The following TBX15 variants were observed in gnomAD, a reference collection of about 807,000 sequenced individuals.
TBX15 encodes T-box transcription factor TBX15.
Under a neutral mutation model 53.9 loss-of-function variants are expected in TBX15, and 18 were observed. That is an observed-to-expected ratio of 0.33 (90% CI 0.23 to 0.49). TBX15 has a LOEUF of 0.49. Ranked by LOEUF, TBX15 falls within the 20% of genes least tolerant of loss-of-function variation. The pLI is 0.98. For synonymous variants in TBX15, 295 were observed against 278.0 expected (o/e 1.06, Z -0.61); for missense variants, 692 against 749.5 (o/e 0.92, Z 0.90).
intron 6 of TBX15, among the ~76,000 whole-genome samples, chr1:118,913,785 C>T (rs1655101287): frequency 6.6e-6 from 1 of 152,140 alleles, no homozygotes; most frequent in African/African-American, 2.4e-5. Flanking sequence ...TGAGATATCA[C>T]TGCAGGTGCT....
intron 1 of TBX15, among the ~76,000 whole-genome samples, chr1:118,985,459 C>T (rs1352158168): frequency 1.3e-5 from 2 of 152,216 alleles, no homozygotes; most frequent in Non-Finnish European, 2.9e-5. Context: ...TGGACCGCCG[C>T]GTCTCCACGC....
intron 1 of TBX15, among the ~76,000 whole-genome samples, chr1:118,979,897 C>T (rs1469863318): frequency 1.3e-5 from 2 of 152,180 alleles, no homozygotes; most frequent in African/African-American, 4.8e-5. Flanking sequence ...GGAACTCGGG[C>T]TGGCACACCG....
intron 1 of TBX15, among the ~76,000 whole-genome samples, chr1:118,966,075 T>A (rs1389247995): frequency 6.6e-6 from 1 of 152,154 alleles, no homozygotes; most frequent in Non-Finnish European, 1.5e-5. Context: ...CTGAGTTTTT[T>A]AAAATTTATA....
rs141002143 is a variant in TBX15 at position 118,899,072 on chromosome 1, C to T, written c.980G>A (p.Arg327His). The change falls in exon 7 of 8, where the codon CGC (arginine) becomes CAC (histidine). Residue 327 changes from arginine (R) to histidine (H), a missense_variant. Arg to His is a conservative substitution (Grantham distance 29). Around this residue, in one of 3 missense-constraint regions of TBX15, gnomAD observed 375 missense variants for 371.6 expected, o/e 1.01. Transcript: ENST00000369429. Reference protein sequence around the residue: ...ETYAFWRPPVRTLTFEDFTTM... With the variant: ...ETYAFWRPPVHTLTFEDFTTM... ...GGTGAAGTCTTCGAAGGTGAGTGTG[C>T]GCACAGGAGGTCTCCAGAATGCATA... 2.4e-4 allele frequency: 388 copies of T among 1,613,572 alleles called. 3 individuals carry two copies. The African/African-American group carries it at 3.7e-3, about 15-fold the overall frequency.
At chr1:118,988,858 G>C (rs540361033), upstream of TBX15, among the ~76,000 whole-genome samples, 1 of 152,316 alleles carries the variant, frequency 6.6e-6, no homozygotes, top group South Asian at 2.1e-4. Flanking sequence ...TAAGGCAAAA[G>C]GAAACAAACA....
At chr1:118,972,866 C>A (rs1220876184) in intron 1 of TBX15, among the ~76,000 whole-genome samples, 1 of 152,188 alleles carries the variant, frequency 6.6e-6, no homozygotes, top group Non-Finnish European at 1.5e-5. Context: ...TCCCAAAGTG[C>A]TGGGATTACA....
upstream of TBX15, among the ~76,000 whole-genome samples, chr1:118,988,868 A>G (rs1247252419): frequency 6.6e-6 from 1 of 152,234 alleles, no homozygotes; most frequent in Non-Finnish European, 1.5e-5. Flanking sequence ...GGAAACAAAC[A>G]AACAAGCAAA....
At chr1:118,915,040 C>T (rs373947300) in intron 5 of TBX15, among the ~76,000 whole-genome samples, 2 of 152,198 alleles carry the variant, frequency 1.3e-5, no homozygotes, top group African/African-American at 2.4e-5. Flanking sequence ...ATATATTGCC[C>T]TCATGCCTGT....
At chr1:118,912,901 G>T (rs973930510) in intron 6 of TBX15, among the ~76,000 whole-genome samples, 3 of 152,112 alleles carry the variant, frequency 2.0e-5, no homozygotes, top group Non-Finnish European at 2.9e-5. Context: ...CAATTTTGTT[G>T]TCTACAAGCT....
rs771989768 is a variant in TBX15 at position 118,924,732 on chromosome 1, G to A, written c.607C>T (p.Leu203=). The A allele has an allele frequency of 6.2e-7, 1 of 1,614,104 alleles. No individual in the cohort carries two copies. Among genetic ancestry groups the A allele is most frequent in the Non-Finnish European group, 8.5e-7 (1 of 1,180,000 alleles). Residue 203 remains leucine (L), a synonymous_variant, in exon 4 of 8, where the codon CTA becomes TTA. Coordinates refer to ENST00000369429, the MANE Select transcript of TBX15 (RefSeq NM_001330677.2). ...PPRVYIHPDS[L]ASGDTWMRQV... ...CTCATCCAGGTGTCTCCAGAAGCTA[G>A]AGAATCAGGGTGTATATAAACTCTT...
At chr1:118,977,120 A>T (rs1461071240) in intron 1 of TBX15, among the ~76,000 whole-genome samples, 2 of 152,234 alleles carry the variant, frequency 1.3e-5, no homozygotes, top group African/African-American at 4.8e-5. Flanking sequence ...AAGGTCATAC[A>T]ACTAGCAAGT....
intron 1 of TBX15, among the ~76,000 whole-genome samples, chr1:118,984,715 C>G (rs112914555): frequency 1.3e-5 from 2 of 152,356 alleles, no homozygotes; most frequent in Middle Eastern, 3.4e-3. Flanking sequence ...GGGTACCTCA[C>G]AGACCCTTCT....
chr1:118,901,038 A>G (rs543843861), intron 6 of TBX15, among the ~76,000 whole-genome samples: 5 of 152,318 alleles, frequency 3.3e-5, no homozygotes, highest in African/African-American at 1.2e-4. Context: ...GTGCTGGAAG[A>G]CTATGAAATT....
chr1:118,930,474 G>A (rs575424102), intron 2 of TBX15, among the ~76,000 whole-genome samples: 14 of 152,192 alleles, frequency 9.2e-5, no homozygotes, highest in Non-Finnish European at 1.9e-4. Context: ...GGAGTGCAAC[G>A]GCACGATCTT....
chr1:118,988,142 C>T lies in TBX15; in HGVS notation c.-347G>A, dbSNP rs1214778082. ...TCTTGTTTTTGTTATTATTATTATT[C>T]TCTCTCCTCTCTCTCTCTCTCTCTC... On this transcript the variant is annotated 5_prime_UTR_variant, in exon 1 of 8. Coordinates refer to ENST00000369429, the MANE Select transcript of TBX15 (RefSeq NM_001330677.2). The T allele has an allele frequency of 9.0e-6, 2 of 221,790 alleles. No homozygotes were observed. 13.7% of individuals were successfully genotyped at this position (221,790 alleles called of 1,614,324 possible).
At chr1:118,948,653 C>T (rs1003423243) in intron 1 of TBX15, among the ~76,000 whole-genome samples, 3 of 152,166 alleles carry the variant, frequency 2.0e-5, no homozygotes, top group South Asian at 2.1e-4. Flanking sequence ...TCAATGTTTG[C>T]AACTGTTTTT....
chr1:118,981,525 T>C (rs1038554339), intron 1 of TBX15, among the ~76,000 whole-genome samples: 14 of 152,218 alleles, frequency 9.2e-5, no homozygotes, highest in Non-Finnish European at 1.6e-4. Flanking sequence ...ATATTAAAAG[T>C]ATAAAATGAA....
chr1:118,982,700 G>T (rs1034099491), intron 1 of TBX15, among the ~76,000 whole-genome samples: 2 of 152,212 alleles, frequency 1.3e-5, no homozygotes, highest in African/African-American at 2.4e-5. Context: ...ATAATTAAAA[G>T]ATTTTTAACC....
Position 118,923,227 on chromosome 1 carries a change from T to C in TBX15, c.861+209A>G, listed in dbSNP as rs545878793. On this transcript the variant is annotated intron_variant, in intron 5 of 7. Coordinates refer to ENST00000369429, the MANE Select transcript of TBX15 (RefSeq NM_001330677.2). ...CCAAACTAAAGCTCTTCTTCTATTTTAGATCAAATGTGGCATTCACAAGGA... is the reference window on the plus strand; with the variant it reads ...CCAAACTAAAGCTCTTCTTCTATTTCAGATCAAATGTGGCATTCACAAGGA... Among the ~76,000 whole-genome samples, 4 of 152,296 alleles carry C rather than the reference T, an allele frequency of 2.6e-5. 1 individual carries two copies. In the South Asian group the frequency reaches 8.3e-4, roughly 32 times the overall value.
Sources: allele counts gnomAD v4.1 joint callset (sites outside exome capture counted in the v4.1 genomes callset), GRCh38; gene constraint gnomAD v4.1.1; regional missense constraint gnomAD v4.1.1; transcripts MANE v1.5; gene names NCBI Gene and HGNC (gene_info 2026-07-23, HGNC 2026-07-21).